ADGRV1: variants seen among roughly 807,000 people sequenced by gnomAD.
ADGRV1 encodes G-protein coupled receptor 98.
Under a neutral mutation model 596.2 loss-of-function variants are expected in ADGRV1, and 359 were observed. The observed-to-expected ratio is 0.60, with a 90% CI of 0.55 to 0.66. The LOEUF (loss-of-function observed/expected upper bound fraction) is 0.66. Among genes scored for constraint, ADGRV1 ranks in the 30% least tolerant of loss-of-function variants. The pLI, the probability that ADGRV1 is intolerant of heterozygous loss-of-function variation, is 0.00. For missense variants in ADGRV1, 7,274 were observed against 7,575.6 expected, an observed-to-expected ratio of 0.96 and a Z score of 1.48; for synonymous variants, 2,681 against 2,679.2, an observed-to-expected ratio of 1.00 and a Z score of -0.02.
At chr5:90,746,573 T>A (rs1321426881) in intron 52 of ADGRV1, among the ~76,000 whole-genome samples, 1 of 152,210 alleles carries the variant, frequency 6.6e-6, no homozygotes, top group Non-Finnish European at 1.5e-5. Flanking sequence ...TTGGATACTC[T>A]ACCATGTCAT....
intron 52 of ADGRV1, among the ~76,000 whole-genome samples, chr5:90,748,999 A>G (rs1198780181): frequency 6.6e-6 from 1 of 152,110 alleles, no homozygotes; most frequent in Non-Finnish European, 1.5e-5. Flanking sequence ...ACAACTCTAT[A>G]GGGCAGAGCT....
Position 90,674,147 on chromosome 5 carries a change from C to T in ADGRV1, c.5023C>T (p.Leu1675=). ...TTCTGCAATTCCTGGAGATGGGAAG[C>T]TAGGCTCAACTCCTACCAGTGGTGC... ...LVSAIPGDGK[L]GSTPTSGASI... is the part of the protein sequence containing the mutation. Residue 1675 remains leucine (L), a synonymous_variant, in exon 23 of 90, where the codon CTA becomes TTA. Coordinates refer to ENST00000405460, the MANE Select transcript of ADGRV1 (RefSeq NM_032119.4). 1 of 1,613,128 alleles carries T rather than the reference C, an allele frequency of 6.2e-7. No individual in the cohort carries two copies. The highest frequency in any genetic ancestry group is 8.5e-7 in the Non-Finnish European group (1 of 1,179,286).
chr5:90,897,907 G>A (rs991482612), intron 83 of ADGRV1, among the ~76,000 whole-genome samples: 31 of 152,172 alleles, frequency 2.0e-4, no homozygotes, highest in African/African-American at 7.5e-4. Context: ...AGATGGATGA[G>A]GTTTAGAGGG....
chr5:90,972,003 G>A (rs1779078921), intron 84 of ADGRV1, among the ~76,000 whole-genome samples: 1 of 152,078 alleles, frequency 6.6e-6, no homozygotes, highest in African/African-American at 2.4e-5. Context: ...AGGGATGGAG[G>A]AAAATCTACC....
chr5:90,657,811 T>C, intron 20 of ADGRV1, 94 bp from the exon 21 acceptor site: 2 of 1,303,806 alleles, frequency 1.5e-6, no homozygotes, highest in South Asian at 2.0e-5. Flanking sequence ...AAAAATATCT[T>C]TCAGTAAAAT....
At chr5:90,960,658 G>A (rs900381743) in intron 83 of ADGRV1, among the ~76,000 whole-genome samples, 5 of 152,068 alleles carry the variant, frequency 3.3e-5, no homozygotes, top group East Asian at 1.9e-4. Context: ...GGAATCTGCC[G>A]TGATCAGAGT....
chr5:90,940,023 A>T (rs571430200), intron 83 of ADGRV1, among the ~76,000 whole-genome samples: 4 of 152,334 alleles, frequency 2.6e-5, no homozygotes, highest in African/African-American at 7.2e-5. Context: ...TTTCTCAAGC[A>T]TATAACTTGG....
intron 84 of ADGRV1, among the ~76,000 whole-genome samples, chr5:90,975,556 A>G (rs1159680128): frequency 6.6e-6 from 1 of 152,190 alleles, no homozygotes; most frequent in Admixed American, 6.5e-5. Context: ...TTTTAGGGAC[A>G]TGGATGAAGC....
At chr5:91,052,265 A>C (rs1473597094) in intron 85 of ADGRV1, among the ~76,000 whole-genome samples, 1 of 151,606 alleles carries the variant, frequency 6.6e-6, no homozygotes, top group African/African-American at 2.4e-5. Context: ...TGATAGCCTG[A>C]TACCTTCCAT....
chr5:90,564,127 A>G (rs1444754314), intron 1 of ADGRV1, among the ~76,000 whole-genome samples: 1 of 152,268 alleles, frequency 6.6e-6, no homozygotes, highest in Non-Finnish European at 1.5e-5. Flanking sequence ...GATATGTCTT[A>G]CAAGTGATCA....
At chr5:90,816,178 T>C (rs540994942) in intron 75 of ADGRV1, among the ~76,000 whole-genome samples, 1 of 152,290 alleles carries the variant, frequency 6.6e-6, no homozygotes, top group African/African-American at 2.4e-5. Context: ...GCCTAAATAA[T>C]CTGTGAGAAT....
intron 41 of ADGRV1, among the ~76,000 whole-genome samples, chr5:90,711,830 G>A (rs936206496): frequency 1.2e-4 from 18 of 152,274 alleles, no homozygotes; most frequent in African/African-American, 3.6e-4. Context: ...AGGTTGGAGT[G>A]CAGTGGTGCG....
In ADGRV1 at chr5:90,672,627, A is replaced by G. The variant is rs1772644554; in HGVS notation, c.4834A>G (p.Ile1612Val). ...ALDYVHVFYTISQIETDGINY... is the reference protein window; with the variant it reads ...ALDYVHVFYTVSQIETDGINY... ...GGATTATGTGCATGTTTTTTACACC[A>G]TTTCACAGATTGAAACTGATGGCAT... Residue 1612 changes from isoleucine (I) to valine (V), a missense_variant, in exon 22 of 90, where the codon ATT becomes GTT. By Grantham distance (29) the Ile-to-Val change is conservative. Coordinates refer to ENST00000405460, the MANE Select transcript of ADGRV1 (RefSeq NM_032119.4). The G allele has an allele frequency of 6.2e-7, 1 of 1,613,590 alleles. No individual in the cohort carries two copies. The highest frequency in any genetic ancestry group is 8.5e-7 in the Non-Finnish European group (1 of 1,179,674).
chr5:90,645,167 T>C (rs1580572566), intron 15 of ADGRV1, among the ~76,000 whole-genome samples: 1 of 152,164 alleles, frequency 6.6e-6, no homozygotes, highest in South Asian at 2.1e-4. Context: ...GAAGGCAAGG[T>C]CATCTATCAA....
intron 50 of ADGRV1, among the ~76,000 whole-genome samples, chr5:90,732,003 T>A (rs767271920): frequency 1.5e-4 from 23 of 152,260 alleles, no homozygotes; most frequent in Admixed American, 2.6e-4. Context: ...CTTTATGTAT[T>A]TAATTAATTT....
At chr5:90,927,688 T>C (rs1189599672) in intron 83 of ADGRV1, among the ~76,000 whole-genome samples, 1 of 152,086 alleles carries the variant, frequency 6.6e-6, no homozygotes, top group African/African-American at 2.4e-5. Flanking sequence ...ATGTTAGGGG[T>C]GATTTTGCTC....
At chr5:90,893,660 A>G (rs935141996) in intron 83 of ADGRV1, among the ~76,000 whole-genome samples, 1 of 152,240 alleles carries the variant, frequency 6.6e-6, no homozygotes, top group Admixed American at 6.5e-5. Context: ...CTTTTAAAGC[A>G]TGTATGTATT....
rs778820230 is a variant in ADGRV1 at position 90,791,014 on chromosome 5, G to A, written c.14185G>A (p.Asp4729Asn). The A allele has an allele frequency of 1.2e-5, 20 of 1,613,900 alleles. No individual in the cohort carries two copies. Among genetic ancestry groups the A allele is most frequent in the Admixed American group, 1.7e-5 (1 of 60,000 alleles). ...AGATGAGGTACCTGAGATAGAGGAA[G>A]ATTATGTGATCCAGCTTGTTTCTGT... is the stretch of plus-strand genomic sequence containing the variant. ...LPDEVPEIEE[D>N]YVIQLVSVEG... is the part of the protein sequence containing the mutation. Residue 4729 changes from aspartate (D) to asparagine (N), a missense_variant, in exon 70 of 90, where the codon GAT becomes AAT. This residue lies in a region of ADGRV1 where 1,874 missense variants were observed against 1,970.2 expected (regional missense o/e 0.95). Transcript: ENST00000405460.
In ADGRV1 at chr5:90,873,756, C is replaced by G. The variant is rs911764296; in HGVS notation, c.17856+9899C>G. On this transcript the variant is annotated intron_variant, in intron 83 of 89. Transcript: ENST00000405460. Reference sequence around the variant, plus strand: ...GCTGCAGTGAGCTGTGATCACGCCACTGCACTCCAGCCTGGGCAATAAAGA... The same window carrying G: ...GCTGCAGTGAGCTGTGATCACGCCAGTGCACTCCAGCCTGGGCAATAAAGA... 1.2e-4 allele frequency among the ~76,000 whole-genome samples: 18 copies of G among 151,150 alleles called. No individual in the cohort carries two copies. In the South Asian group the frequency reaches 1.7e-3, roughly 14 times the overall value.
Sources: allele counts gnomAD v4.1 joint callset (sites outside exome capture counted in the v4.1 genomes callset), GRCh38; gene constraint gnomAD v4.1.1; regional missense constraint gnomAD v4.1.1; transcripts MANE v1.5; gene names NCBI Gene and HGNC (gene_info 2026-07-23, HGNC 2026-07-21).